Variants in ZFPM2 observed in about 807,000 individuals in gnomAD.
ZFPM2 encodes the protein zinc finger protein ZFPM2.
In ZFPM2, 20 loss-of-function variants were observed where a neutral mutation model predicts 98.6. The ratio of observed to expected loss-of-function variants is 0.20; its 90% CI spans 0.14 to 0.29. The LOEUF (loss-of-function observed/expected upper bound fraction) is 0.29, where lower values mean the gene tolerates loss of function less well. ZFPM2 is among the 10% of genes least tolerant of loss of function. ZFPM2 has a pLI of 1.00. For synonymous variants in ZFPM2, 518 were observed against 502.7 expected, an observed-to-expected ratio of 1.03 and a Z score of -0.41; for missense variants, 1,310 against 1,388.6, an observed-to-expected ratio of 0.94 and a Z score of 0.90.
intron 1 of ZFPM2, among the ~76,000 whole-genome samples, chr8:105,351,354 CGTGTGTGTGT>C (rs139105567): frequency 4.1e-5 from 6 of 144,754 alleles, no homozygotes; most frequent in African/African-American, 7.9e-5. Flanking sequence ...TGCATTATTT[CGTGTGTGTGT>C]GTGTGTGTGT....
chr8:105,729,773 T>A (rs1393145424), intron 5 of ZFPM2, among the ~76,000 whole-genome samples: 1 of 151,644 alleles, frequency 6.6e-6, no homozygotes, highest in Non-Finnish European at 1.5e-5. Context: ...TACTGAAATG[T>A]CTTTCTCATT....
chr8:105,771,363 C>T (rs952397725), intron 5 of ZFPM2, among the ~76,000 whole-genome samples: 5 of 152,044 alleles, frequency 3.3e-5, no homozygotes, highest in African/African-American at 1.2e-4. Flanking sequence ...ATCTGTGAAA[C>T]AGTGAAAAGA....
chr8:105,530,819 T>G (rs1814282100), intron 3 of ZFPM2, among the ~76,000 whole-genome samples: 1 of 152,126 alleles, frequency 6.6e-6, no homozygotes, highest in Non-Finnish European at 1.5e-5. Context: ...AAGACACTAG[T>G]AAATGCAAGA....
intron 3 of ZFPM2, among the ~76,000 whole-genome samples, chr8:105,501,158 T>A (rs1813586279): frequency 6.6e-6 from 1 of 151,864 alleles, no homozygotes; most frequent in South Asian, 2.1e-4. Context: ...GATTGTGAAG[T>A]TCAAACAATA....
intron 2 of ZFPM2, among the ~76,000 whole-genome samples, chr8:105,421,563 T>C (rs1398372032): frequency 1.3e-5 from 2 of 152,188 alleles, no homozygotes; most frequent in Non-Finnish European, 1.5e-5. Flanking sequence ...AACTCTTTGA[T>C]AGATTTTTCA....
At chr8:105,517,692 C>CCACA (rs10659350) in intron 3 of ZFPM2, among the ~76,000 whole-genome samples, 2 of 130,240 alleles carry the variant, frequency 1.5e-5, no homozygotes, top group African/African-American at 6.0e-5. Flanking sequence ...CACACACACA[C>CCACA]CACACACACA....
intron 5 of ZFPM2, among the ~76,000 whole-genome samples, chr8:105,775,077 T>TAAAAAAAAA (rs397968210): frequency 3.8e-5 from 4 of 104,920 alleles, no homozygotes; most frequent in Non-Finnish European, 4.0e-5. Context: ...CTCTTGGAAT[T>TAAAAAAAAA]AAAAAAAAAA....
At chr8:105,781,873 T>C (rs921758750) in intron 5 of ZFPM2, among the ~76,000 whole-genome samples, 5 of 152,220 alleles carry the variant, frequency 3.3e-5, no homozygotes, top group Non-Finnish European at 7.3e-5. Context: ...GTATTCTTCC[T>C]TCAGAGAGAT....
chr8:105,515,167 A>T (rs930701552), intron 3 of ZFPM2, among the ~76,000 whole-genome samples: 1 of 152,212 alleles, frequency 6.6e-6, no homozygotes, highest in African/African-American at 2.4e-5. Context: ...GGAACTATTG[A>T]AGTGCCAAAT....
chr8:105,430,118 G>C (rs1811991896), intron 2 of ZFPM2, among the ~76,000 whole-genome samples: 1 of 152,148 alleles, frequency 6.6e-6, no homozygotes, highest in Non-Finnish European at 1.5e-5. Context: ...ATCTGAGAAA[G>C]ATAGTTCTGA....
chr8:105,731,737 G>T (rs1166634559), intron 5 of ZFPM2, among the ~76,000 whole-genome samples: 4 of 151,678 alleles, frequency 2.6e-5, no homozygotes, highest in African/African-American at 9.7e-5. Context: ...TCAATTTTCA[G>T]AATGTATTGT....
intron 3 of ZFPM2, among the ~76,000 whole-genome samples, chr8:105,535,121 A>G (rs1203684537): frequency 6.6e-6 from 1 of 152,154 alleles, no homozygotes; most frequent in Non-Finnish European, 1.5e-5. Context: ...GAAATTCCAA[A>G]TGTCTTTGCC....
At chr8:105,750,320 A>G (rs1812447494) in intron 5 of ZFPM2, among the ~76,000 whole-genome samples, 1 of 151,980 alleles carries the variant, frequency 6.6e-6, no homozygotes, top group Admixed American at 6.6e-5. Context: ...TGCTGCCTCC[A>G]AGGGTGTGGT....
chr8:105,481,816 A>T (rs1813125343), intron 3 of ZFPM2, among the ~76,000 whole-genome samples: 1 of 152,200 alleles, frequency 6.6e-6, no homozygotes, highest in Admixed American at 6.5e-5. Flanking sequence ...TCAGTTTTGG[A>T]TGCAGTCACA....
At chr8:105,623,937 G>A (rs1305035396) in intron 4 of ZFPM2, among the ~76,000 whole-genome samples, 1 of 152,160 alleles carries the variant, frequency 6.6e-6, no homozygotes, top group Non-Finnish European at 1.5e-5. Flanking sequence ...AAATAGTAAA[G>A]CTTCCTTAAG....
At chr8:105,480,906 A>T (rs1335903314) in intron 3 of ZFPM2, among the ~76,000 whole-genome samples, 1 of 152,048 alleles carries the variant, frequency 6.6e-6, no homozygotes, top group Non-Finnish European at 1.5e-5. Flanking sequence ...ACCCGCCACC[A>T]TGCTCAGCTA....
intron 5 of ZFPM2, among the ~76,000 whole-genome samples, chr8:105,648,517 C>A (rs972507155): frequency 2.0e-5 from 3 of 152,158 alleles, no homozygotes; most frequent in African/African-American, 7.2e-5. Context: ...TTAGGTCTAA[C>A]ATTTAAGTCT....
chr8:105,616,894 T>G (rs1733948972), intron 4 of ZFPM2, among the ~76,000 whole-genome samples: 1 of 151,402 alleles, frequency 6.6e-6, no homozygotes, highest in African/African-American at 2.4e-5. Flanking sequence ...GGTGCACATC[T>G]GTAATCCCTG....
chr8:105,697,845 A>T (rs769081311), intron 5 of ZFPM2, among the ~76,000 whole-genome samples: 4 of 152,232 alleles, frequency 2.6e-5, no homozygotes, highest in Admixed American at 2.0e-4. Context: ...GTTAACTGTT[A>T]TTCTTCTGCC....
Sources: allele counts gnomAD v4.1 joint callset (sites outside exome capture counted in the v4.1 genomes callset), GRCh38; gene constraint gnomAD v4.1.1; transcripts MANE v1.5; gene names NCBI Gene and HGNC (gene_info 2026-07-23, HGNC 2026-07-21).